Variants in ZNF385D observed in about 807,000 individuals in gnomAD.
The protein encoded by ZNF385D is zinc finger protein 385D.
In ZNF385D, 15 loss-of-function variants were observed where a neutral mutation model predicts 35.8. That is an observed-to-expected ratio of 0.42 (90% CI 0.28 to 0.64). The LOEUF (loss-of-function observed/expected upper bound fraction) is 0.64, where lower values mean the gene tolerates loss of function less well. Among genes scored for constraint, ZNF385D ranks in the 30% least tolerant of loss-of-function variants. The pLI, the probability that ZNF385D is intolerant of heterozygous loss-of-function variation, is 0.23. For missense variants in ZNF385D, 474 were observed against 494.6 expected, an observed-to-expected ratio of 0.96 and a Z score of 0.39; for synonymous variants, 212 against 186.8, an observed-to-expected ratio of 1.13 and a Z score of -1.10.
intron 2 of ZNF385D, among the ~76,000 whole-genome samples, chr3:22,212,474 G>A (rs1013543230): frequency 1.3e-5 from 2 of 152,004 alleles, no homozygotes; most frequent in South Asian, 4.1e-4. Context: ...ATACATTGTT[G>A]ACCTTTTGGA....
At position 21,827,712 on chromosome 3, in the gene ZNF385D, G is replaced by C. The variant is rs143586499; in HGVS notation, c.326-162684C>G. Among the ~76,000 whole-genome samples, 1,342 of 152,246 alleles carry C rather than the reference G, an allele frequency of 8.8e-3. 23 individuals are homozygous for C. The highest frequency in any genetic ancestry group is 0.031 in the African/African-American group (1,278 of 41,528). On this transcript the variant is annotated intron_variant, in intron 3 of 5. Coordinates refer to the ZNF385D transcript ENST00000494108. Reference sequence around the variant, plus strand: ...GAGTCTTGGAACGTGGAAGGAAAAGGCATATTACAAAAAGAGTAATTCTCT... The same window carrying C: ...GAGTCTTGGAACGTGGAAGGAAAAGCCATATTACAAAAAGAGTAATTCTCT...
chr3:22,038,179 G>A (rs1179068780), intron 3 of ZNF385D, among the ~76,000 whole-genome samples: 2 of 152,134 alleles, frequency 1.3e-5, no homozygotes, highest in Non-Finnish European at 2.9e-5. Context: ...CGAAGTGTAG[G>A]AGATAACAAG....
chr3:21,527,356 G>C (rs1708288879), intron 3 of ZNF385D, among the ~76,000 whole-genome samples: 1 of 152,176 alleles, frequency 6.6e-6, no homozygotes, highest in Admixed American at 6.6e-5. Flanking sequence ...CCTTCGTACA[G>C]TCAGAAACAA....
At chr3:22,081,300 AC>A (rs1305519181) in intron 3 of ZNF385D, among the ~76,000 whole-genome samples, 1 of 152,136 alleles carries the variant, frequency 6.6e-6, no homozygotes, top group African/African-American at 2.4e-5. Flanking sequence ...ATAGTATAGA[AC>A]TGGGGATGCG....
chr3:22,293,903 G>C (rs1702434239), intron 2 of ZNF385D, among the ~76,000 whole-genome samples: 1 of 152,070 alleles, frequency 6.6e-6, no homozygotes, highest in Admixed American at 6.6e-5. Context: ...ACTGGTCTTA[G>C]GGTTCATCTG....
intron 4 of ZNF385D, among the ~76,000 whole-genome samples, chr3:21,445,830 C>T (rs1038152726): frequency 2.4e-4 from 36 of 152,174 alleles, no homozygotes; most frequent in Non-Finnish European, 1.3e-4. Flanking sequence ...AATAAAAAAG[C>T]ATATCATTGA....
chr3:21,511,135 T>C (rs753844392), intron 3 of ZNF385D, 112 bp from the exon 4 acceptor site: 1 of 1,364,458 alleles, frequency 7.3e-7, no homozygotes, highest in Non-Finnish European at 1.0e-6. Flanking sequence ...TTCGAGCTAA[T>C]TCTGGCCGTG....
chr3:21,626,453 A>G (rs1215170098), intron 2 of ZNF385D, among the ~76,000 whole-genome samples: 1 of 152,240 alleles, frequency 6.6e-6, no homozygotes, highest in South Asian at 2.1e-4. Context: ...ATGGAATGTC[A>G]TCTCTTAAGA....
intron 3 of ZNF385D, among the ~76,000 whole-genome samples, chr3:21,810,971 C>T (rs1023150113): frequency 4.0e-4 from 58 of 144,380 alleles, no homozygotes; most frequent in Non-Finnish European, 6.8e-4. Context: ...TGTGTGTATA[C>T]GTGTGTGTGT....
intron 2 of ZNF385D, among the ~76,000 whole-genome samples, chr3:22,174,587 C>A (rs1278445427): frequency 6.6e-6 from 1 of 152,122 alleles, no homozygotes; most frequent in Admixed American, 6.5e-5. Flanking sequence ...ACATTTAGCA[C>A]AGACACTCTC....
intron 2 of ZNF385D, among the ~76,000 whole-genome samples, chr3:22,275,734 G>A (rs574712140): frequency 5.3e-5 from 8 of 152,060 alleles, no homozygotes; most frequent in Admixed American, 5.2e-4. Context: ...GAGTTTCATG[G>A]CAAAACTCCA....
intron 3 of ZNF385D, among the ~76,000 whole-genome samples, chr3:21,902,561 G>A (rs1161465441): frequency 1.3e-5 from 2 of 152,210 alleles, no homozygotes; most frequent in South Asian, 2.1e-4. Flanking sequence ...GACGATAAAC[G>A]AAAAGAAAGG....
At chr3:21,774,800 T>C (rs571875619) in intron 3 of ZNF385D, among the ~76,000 whole-genome samples, 22 of 152,004 alleles carry the variant, frequency 1.4e-4, no homozygotes, top group Admixed American at 2.6e-4. Context: ...TTTAAAGATG[T>C]CCAGCTTAGG....
At position 22,257,780 on chromosome 3, in the gene ZNF385D, T is replaced by C. The variant is rs949066412; in HGVS notation, c.107-88745A>G. Among the ~76,000 whole-genome samples the C allele has an allele frequency of 6.6e-5, 10 of 151,956 alleles. No homozygotes were observed. In the East Asian group the frequency reaches 9.7e-4, roughly 15 times the overall value. On this transcript the variant is annotated intron_variant, in intron 2 of 5. Transcript: ENST00000494108. ...AAGTAGGGTAAAACTGTTGTTACAG[T>C]GGCTTTGATTCTTATCAGGCATGAT... is the stretch of plus-strand genomic sequence containing the variant.
intron 2 of ZNF385D, among the ~76,000 whole-genome samples, chr3:22,173,008 A>G (rs911753186): frequency 6.6e-6 from 1 of 152,234 alleles, no homozygotes; most frequent in Non-Finnish European, 1.5e-5. Context: ...GTTTCACATC[A>G]ACAGTGACAG....
chr3:21,647,505 G>C (rs568627290), intron 2 of ZNF385D, among the ~76,000 whole-genome samples: 1 of 151,298 alleles, frequency 6.6e-6, no homozygotes, highest in African/African-American at 2.4e-5. Context: ...CAATTAACAC[G>C]ACTAACCCAT....
chr3:21,843,045 A>C (rs927138801), intron 3 of ZNF385D, among the ~76,000 whole-genome samples: 1 of 152,098 alleles, frequency 6.6e-6, no homozygotes, highest in African/African-American at 2.4e-5. Context: ...AAAGCTTTTA[A>C]GAAGAGATCC....
At chr3:21,878,981 G>T (rs922317541) in intron 3 of ZNF385D, among the ~76,000 whole-genome samples, 2 of 151,948 alleles carry the variant, frequency 1.3e-5, no homozygotes, top group Non-Finnish European at 2.9e-5. Context: ...GAGCAGGAGG[G>T]TAGGACAGAA....
intron 3 of ZNF385D, among the ~76,000 whole-genome samples, chr3:22,111,184 T>TTTTTTTA (rs1559377207): frequency 7.9e-6 from 1 of 126,950 alleles, no homozygotes. Context: ...TTTGTTTTTT[T>TTTTTTTA]TGTACTCTCA....
Sources: gnomAD v4.1 joint callset for allele counts (sites outside exome capture counted in the v4.1 genomes callset) on GRCh38, gnomAD v4.1.1 for gene constraint, MANE v1.5 for transcripts, NCBI Gene and HGNC (gene_info 2026-07-23, HGNC 2026-07-21) for gene names.